The following IFT88 variants were observed in gnomAD, a reference collection of about 807,000 sequenced individuals.
The protein encoded by IFT88 is intraflagellar transport protein 88 homolog.
IFT88 carries 74 observed loss-of-function variants against 119.5 expected under a neutral mutation model. That is an observed-to-expected ratio of 0.62 (90% CI 0.51 to 0.75). IFT88 has a LOEUF of 0.75. IFT88 is among the 30% of genes least tolerant of loss of function. The pLI, the probability that IFT88 is intolerant of heterozygous loss-of-function variation, is 0.00. For missense variants in IFT88, 961 were observed against 977.7 expected, an observed-to-expected ratio of 0.98 and a Z score of 0.23; for synonymous variants, 279 against 316.7, an observed-to-expected ratio of 0.88 and a Z score of 1.26.
At chr13:20,638,839 A>G (rs920873840) in intron 17 of IFT88, among the ~76,000 whole-genome samples, 2 of 152,226 alleles carry the variant, frequency 1.3e-5, no homozygotes, top group Non-Finnish European at 2.9e-5. Context: ...TGCCAAGTTC[A>G]TAGATGGGAA....
At chr13:20,627,033 A>G (rs968876894) in intron 15 of IFT88, among the ~76,000 whole-genome samples, 2 of 152,214 alleles carry the variant, frequency 1.3e-5, no homozygotes, top group African/African-American at 4.8e-5. Flanking sequence ...AACATTATCT[A>G]CTAAAGAATA....
Position 20,647,555 on chromosome 13 carries a change from A to G in IFT88, c.1949+2597A>G, listed in dbSNP as rs545292807. ...ATGTTTTGGCAATTGGTTTAAGCAT[A>G]AACTGTTGTTTTATTTTCTTTACAT... On this transcript the variant is annotated intron_variant, in intron 20 of 25. Transcript: ENST00000351808. Among the ~76,000 whole-genome samples the G allele has an allele frequency of 1.4e-4, 21 of 152,308 alleles. No individual in the cohort carries two copies. The South Asian group carries it at 4.4e-3, about 32-fold the overall frequency.
intron 24 of IFT88, among the ~76,000 whole-genome samples, chr13:20,682,620 T>G (rs1323728822): frequency 6.6e-6 from 1 of 152,212 alleles, no homozygotes; most frequent in African/African-American, 2.4e-5. Context: ...CAGTCTGAAT[T>G]TTGTCAGGAC....
chr13:20,604,970 C>A, intron 12 of IFT88, 65 bp from the exon 13 acceptor site: 1 of 845,820 alleles, frequency 1.2e-6, no homozygotes, highest in Non-Finnish European at 2.0e-6. Context: ...CAAAACAAAA[C>A]AAAAATTAAG....
At chr13:20,580,607 C>T (rs1244008948) in intron 2 of IFT88, among the ~76,000 whole-genome samples, 2 of 151,870 alleles carry the variant, frequency 1.3e-5, no homozygotes. Context: ...TTGTAGATAA[C>T]ATTGTAGTGA....
intron 2 of IFT88, among the ~76,000 whole-genome samples, chr13:20,574,947 C>T (rs1428282853): frequency 1.3e-5 from 2 of 152,058 alleles, no homozygotes. Context: ...AAGCATTTAT[C>T]CTTTGTGTTC....
At chr13:20,664,913 A>G (rs2054419929) in intron 23 of IFT88, among the ~76,000 whole-genome samples, 2 of 152,040 alleles carry the variant, frequency 1.3e-5, no homozygotes, top group African/African-American at 2.4e-5. Flanking sequence ...CTCTGTCTCT[A>G]CTAAAAATAC....
rs772723762 is a variant in IFT88, at chr13:20,641,406, A to G, written c.1682+8A>G. ...TTACCAGATAGCAAATATGTATCTT[A>G]TTTGAAAACCTTAGGGACAGTTATT... On this transcript the variant is annotated splice_region_variant and intron_variant, in intron 18 of 25. Transcript: ENST00000351808. 6.5e-7 allele frequency: 1 copy of G among 1,547,440 alleles called. No individual in the cohort carries two copies. Among genetic ancestry groups the G allele is most frequent in the Non-Finnish European group, 8.9e-7 (1 of 1,122,124 alleles).
intron 13 of IFT88, among the ~76,000 whole-genome samples, chr13:20,614,824 T>TC (rs1190308476): frequency 2.0e-5 from 3 of 146,938 alleles, no homozygotes; most frequent in African/African-American, 4.9e-5. Flanking sequence ...TTTCTTTTTT[T>TC]TTTTTTTTTG....
chr13:20,682,702 G>A (rs1337596930), intron 24 of IFT88, among the ~76,000 whole-genome samples: 1 of 152,104 alleles, frequency 6.6e-6, no homozygotes, highest in African/African-American at 2.4e-5. Context: ...TTCCCAAGTC[G>A]GGGCAGCACA....
In IFT88 at chr13:20,640,154, C is replaced by T. The variant is rs564942418; in HGVS notation, c.1574-1136C>T. On this transcript the variant is annotated intron_variant, in intron 17 of 25. Transcript: ENST00000351808. The stretch of plus-strand genomic sequence containing the variant: ...CATTTGTTTATTGCTTTATGAAGCC[C>T]TTCTTAACTCAAGATTATAAATCAT... Among the ~76,000 whole-genome samples the T allele has an allele frequency of 6.6e-5, 10 of 152,082 alleles. No individual in the cohort carries two copies. In the South Asian group the frequency reaches 1.9e-3, roughly 28 times the overall value.
intron 21 of IFT88, among the ~76,000 whole-genome samples, chr13:20,655,006 A>G (rs1043805646): frequency 1.3e-5 from 2 of 152,150 alleles, no homozygotes; most frequent in Admixed American, 1.3e-4. Flanking sequence ...AGGCCCAGAG[A>G]GATTTATAAC....
At position 20,604,933 on chromosome 13, in the gene IFT88, G is replaced by C. The variant is rs138953760; in HGVS notation, c.1042-102G>C. ...ATCATGCCACTGCACTGCAGCCTGG[G>C]CAATAGAGTGAGGCTGTATCTCAAA... On this transcript the variant is annotated intron_variant, in intron 12 of 25. Coordinates refer to ENST00000351808, the MANE Select transcript of IFT88 (RefSeq NM_006531.5). 69 of 564,860 alleles carry C rather than the reference G, an allele frequency of 1.2e-4. 1 individual carries two copies. The highest frequency in any genetic ancestry group is 1.2e-3 in the African/African-American group (62 of 51,870). The allele number at this position is 564,860 out of a possible 1,614,324, so 35.0% of individuals were successfully genotyped here.
chr13:20,601,579 T>C (rs2042595605), intron 11 of IFT88, 126 bp from the exon 12 acceptor site: 1 of 592,680 alleles, frequency 1.7e-6, no homozygotes, highest in Non-Finnish European at 3.0e-6. Flanking sequence ...CTTTTATCAA[T>C]AAAGCTTTAA....
chr13:20,568,269 C>A (rs1352732908), intron 1 of IFT88, among the ~76,000 whole-genome samples: 8 of 152,062 alleles, frequency 5.3e-5, no homozygotes, highest in African/African-American at 1.7e-4. Flanking sequence ...AAGTTTGTTA[C>A]ATGTATAAGC....
chr13:20,657,809 A>G lies in IFT88; in HGVS notation c.2068+1379A>G, dbSNP rs189121818. On this transcript the variant is annotated intron_variant, in intron 22 of 25. Coordinates refer to ENST00000351808, the MANE Select transcript of IFT88 (RefSeq NM_006531.5). ...AATAAATAAATAAATTTGTTCTTCAATGACAATGAACACAAAAGAATGCAT... is the reference window on the plus strand; with the variant it reads ...AATAAATAAATAAATTTGTTCTTCAGTGACAATGAACACAAAAGAATGCAT... 2.7e-3 allele frequency among the ~76,000 whole-genome samples: 404 copies of G among 151,690 alleles called. 1 individual carries two copies. Among genetic ancestry groups the G allele is most frequent in the Non-Finnish European group, 3.3e-3 (227 of 68,018 alleles).
chr13:20,579,570 A>G (rs1321410016), intron 2 of IFT88, among the ~76,000 whole-genome samples: 3 of 152,134 alleles, frequency 2.0e-5, no homozygotes, highest in Admixed American at 6.5e-5. Flanking sequence ...GGCTCAGGGT[A>G]GGTCCAGAAA....
chr13:20,599,601 T>G, intron 11 of IFT88, 36 bp downstream of exon 11: 1 of 960,276 alleles, frequency 1.0e-6, no homozygotes, highest in Non-Finnish European at 1.6e-6. Flanking sequence ...TTGTAAAATT[T>G]AAGTGTTTTT....
chr13:20,638,711 T>G (rs192354721), intron 17 of IFT88, among the ~76,000 whole-genome samples, 193 bp downstream of exon 17: 162 of 152,336 alleles, frequency 1.1e-3, no homozygotes, highest in African/African-American at 3.7e-3. Context: ...GCTATGCACA[T>G]GCAAAATTTG....
Sources: allele counts gnomAD v4.1 joint callset (sites outside exome capture counted in the v4.1 genomes callset), GRCh38; gene constraint gnomAD v4.1.1; transcripts MANE v1.5; gene names NCBI Gene and HGNC (gene_info 2026-07-23, HGNC 2026-07-21).